Variants in RAI14 observed in about 807,000 individuals in gnomAD.
The protein encoded by RAI14 is retinoic acid induced 14.
Under a neutral mutation model 115.4 loss-of-function variants are expected in RAI14, and 45 were observed. That is an observed-to-expected ratio of 0.39 (90% CI 0.31 to 0.50). RAI14 has a LOEUF of 0.50. RAI14 is among the 20% of genes least tolerant of loss of function. The pLI, the probability that RAI14 is intolerant of heterozygous loss-of-function variation, is 0.85. For synonymous variants in RAI14, 371 were observed against 415.4 expected (o/e 0.89, Z 1.30); for missense variants, 939 against 1,131.2 (o/e 0.83, Z 2.44).
At chr5:34,663,561 C>T (rs552818989) in intron 1 of RAI14, among the ~76,000 whole-genome samples, 1 of 152,090 alleles carries the variant, frequency 6.6e-6, no homozygotes, top group South Asian at 2.1e-4. Context: ...ACTGACTTAA[C>T]CATGTGTTTA....
chr5:34,745,514 G>A (rs745603328), intron 2 of RAI14, among the ~76,000 whole-genome samples: 1 of 152,112 alleles, frequency 6.6e-6, no homozygotes, highest in Non-Finnish European at 1.5e-5. Flanking sequence ...CCAGTCCCTG[G>A]ACCTTGTCCT....
chr5:34,787,635 A>G (rs767741892), intron 3 of RAI14, among the ~76,000 whole-genome samples: 1 of 152,102 alleles, frequency 6.6e-6, no homozygotes, highest in African/African-American at 2.4e-5. Flanking sequence ...GATTTTTTTG[A>G]GGAGGAGGTG....
chr5:34,676,336 T>A (rs1012012681), intron 1 of RAI14, among the ~76,000 whole-genome samples: 2 of 152,194 alleles, frequency 1.3e-5, no homozygotes, highest in Non-Finnish European at 2.9e-5. Context: ...ACGGTGGTAT[T>A]GTAATGAACA....
intron 2 of RAI14, among the ~76,000 whole-genome samples, chr5:34,718,916 T>G (rs1423783381): frequency 1.3e-5 from 2 of 152,194 alleles, no homozygotes; most frequent in African/African-American, 4.8e-5. Flanking sequence ...CAGGACAGAT[T>G]CAAGACCAGT....
rs1220985139 is a variant in RAI14, at chr5:34,827,198, TCTCC to T, written c.2799+720_2799+723del. Among the ~76,000 whole-genome samples, 4 of 152,226 alleles carry T rather than the reference TCTCC, an allele frequency of 2.6e-5. No homozygotes were observed. The highest frequency in any genetic ancestry group is 9.6e-5 in the African/African-American group (4 of 41,546). ...CTCCAGCATCTGCTCAGTCTTCCCA[TCTCC>T]TCCTTCAGCCTTTGATTTTCTTGCC... is the stretch of plus-strand genomic sequence containing the variant. On this transcript the variant is annotated intron_variant, in intron 16 of 17. Transcript: ENST00000265109. The surrounding 1 kb of genome is among the most constrained non-coding windows in gnomAD (Gnocchi z 4.2).
chr5:34,803,777 G>C lies in RAI14; in HGVS notation c.321+1G>C. On this transcript the variant is annotated splice_donor_variant, in intron 5 of 17. Transcript: ENST00000265109. LOFTEE classifies it high-confidence loss of function. ...TGAATGCATCAGGAAGCTGCTTCAG[G>C]TAAGCTGGTGACAACTTAGAATTAT... 6.2e-7 allele frequency: 1 copy of C among 1,610,456 alleles called. No individual in the cohort carries two copies. The highest frequency in any genetic ancestry group is 1.7e-5 in the Admixed American group (1 of 59,748).
chr5:34,794,649 A>G (rs1011789839), intron 3 of RAI14, among the ~76,000 whole-genome samples: 25 of 152,214 alleles, frequency 1.6e-4, no homozygotes, highest in Non-Finnish European at 2.6e-4. Flanking sequence ...CTTGATCCCC[A>G]GCCTTTACAA....
intron 1 of RAI14, among the ~76,000 whole-genome samples, chr5:34,669,331 AT>A (rs1447630466): frequency 6.6e-6 from 1 of 152,168 alleles, no homozygotes; most frequent in African/African-American, 2.4e-5. Context: ...CAATCTGTTG[AT>A]GGCTTTGTTA....
intron 3 of RAI14, among the ~76,000 whole-genome samples, chr5:34,768,032 G>A (rs541022886): frequency 4.6e-5 from 7 of 151,958 alleles, no homozygotes; most frequent in Non-Finnish European, 8.8e-5. Flanking sequence ...TAGATTCACC[G>A]ACAGTTTGCA....
chr5:34,706,855 C>A (rs1278816162), intron 2 of RAI14, among the ~76,000 whole-genome samples: 1 of 152,118 alleles, frequency 6.6e-6, no homozygotes, highest in African/African-American at 2.4e-5. Context: ...AAAAATAGCC[C>A]TTTTCTACCC....
intron 1 of RAI14, among the ~76,000 whole-genome samples, chr5:34,663,452 G>A (rs1235092912): frequency 2.0e-5 from 3 of 152,100 alleles, no homozygotes; most frequent in Admixed American, 2.0e-4. Flanking sequence ...TGAGATCGAG[G>A]GTTGCAGTGA....
rs115869539 is a variant in RAI14 at position 34,714,665 on chromosome 5, G to A, written c.36+27710G>A. On this transcript the variant is annotated intron_variant, in intron 2 of 17. Coordinates refer to ENST00000265109, the MANE Select transcript of RAI14 (RefSeq NM_015577.3). ...TGTTTTGTGGAATAAAATATCAGCAGGAATATTTAACATGAAGCATACTGT... is the reference window on the plus strand; with the variant it reads ...TGTTTTGTGGAATAAAATATCAGCAAGAATATTTAACATGAAGCATACTGT... Among the ~76,000 whole-genome samples, 1,423 of 152,262 alleles carry A rather than the reference G, an allele frequency of 9.3e-3. 27 individuals are homozygous for A. Among genetic ancestry groups the A allele is most frequent in the African/African-American group, 0.032 (1,335 of 41,536 alleles).
intron 14 of RAI14, among the ~76,000 whole-genome samples, chr5:34,822,596 C>G (rs557441993): frequency 1.0e-3 from 157 of 150,118 alleles, no homozygotes; most frequent in African/African-American, 3.7e-3. Context: ...TGCTACTCTC[C>G]CGTACCAAAG....
chr5:34,716,481 C>T (rs917654316), intron 2 of RAI14, among the ~76,000 whole-genome samples: 1 of 151,740 alleles, frequency 6.6e-6, no homozygotes, highest in African/African-American at 2.4e-5. Context: ...GGTGCAATCT[C>T]GGCTCACTGA....
intron 3 of RAI14, among the ~76,000 whole-genome samples, chr5:34,774,572 C>T (rs1213885048): frequency 6.6e-6 from 1 of 151,998 alleles, no homozygotes; most frequent in East Asian, 1.9e-4. Flanking sequence ...TAAAAGATCT[C>T]TACAATGAAA....
rs138416133 is a variant in RAI14, at chr5:34,819,002, C to T, written c.994+151C>T. ...GCTGCCAGTAATGCACAAGCTGAAG[C>T]GCTCTGTACTTCAGGGTGCCTTCTT... is the stretch of plus-strand genomic sequence containing the variant. On this transcript the variant is annotated intron_variant, in intron 13 of 17. Transcript: ENST00000265109. The T allele has an allele frequency of 1.5e-3, 965 of 645,346 alleles. 2 individuals are homozygous for T. Among genetic ancestry groups the T allele is most frequent in the Middle Eastern group, 2.5e-3 (9 of 3,590 alleles). 40.0% of individuals were successfully genotyped at this position (645,346 alleles called of 1,614,324 possible).
intron 1 of RAI14, among the ~76,000 whole-genome samples, chr5:34,667,844 G>A (rs1743332531): frequency 6.6e-6 from 1 of 152,186 alleles, no homozygotes; most frequent in South Asian, 2.1e-4. Flanking sequence ...ACAAATGTTT[G>A]TCAGGCTTTG....
At chr5:34,733,544 G>C (rs1744460663) in intron 2 of RAI14, among the ~76,000 whole-genome samples, 1 of 152,154 alleles carries the variant, frequency 6.6e-6, no homozygotes, top group Non-Finnish European at 1.5e-5. Flanking sequence ...GAGTAATCCA[G>C]TTCAAAAACT....
intron 2 of RAI14, among the ~76,000 whole-genome samples, chr5:34,717,573 A>T (rs1246002660): frequency 6.6e-6 from 1 of 152,190 alleles, no homozygotes; most frequent in Non-Finnish European, 1.5e-5. Flanking sequence ...GGATGGTTAC[A>T]AGGTAAGACG....
Sources: gnomAD v4.1 joint callset for allele counts (sites outside exome capture counted in the v4.1 genomes callset) on GRCh38, gnomAD v4.1.1 for gene constraint, Gnocchi (gnomAD v3.1) non-coding constraint, MANE v1.5 for transcripts, NCBI Gene and HGNC (gene_info 2026-07-23, HGNC 2026-07-21) for gene names.